MAST2: variants seen among roughly 807,000 people sequenced by gnomAD.
MAST2 encodes the protein microtubule associated serine/threonine kinase 2, also known as microtubule-associated serine/threonine-protein kinase 2.
MAST2 carries 70 observed loss-of-function variants against 147.4 expected under a neutral mutation model. The ratio of observed to expected loss-of-function variants is 0.47; its 90% CI spans 0.39 to 0.58. The LOEUF (loss-of-function observed/expected upper bound fraction) is 0.58, where lower values mean the gene tolerates loss of function less well. Among genes scored for constraint, MAST2 ranks in the 20% least tolerant of loss-of-function variants. The pLI, the probability that MAST2 is intolerant of heterozygous loss-of-function variation, is 0.00. For synonymous variants in MAST2, 869 were observed against 896.8 expected (o/e 0.97, Z 0.55); for missense variants, 2,080 against 2,302.3 (o/e 0.90, Z 1.98).
chr1:45,823,225 G>A (rs1295552534), intron 1 of MAST2, among the ~76,000 whole-genome samples: 1 of 146,612 alleles, frequency 6.8e-6, no homozygotes, highest in Non-Finnish European at 1.5e-5. Flanking sequence ...TTTAATCTTA[G>A]AGAACTGGAA....
chr1:45,826,913 C>T (rs926022047), intron 2 of MAST2, among the ~76,000 whole-genome samples: 1 of 152,110 alleles, frequency 6.6e-6, no homozygotes, highest in Non-Finnish European at 1.5e-5. Flanking sequence ...ACTGAAACCT[C>T]CGCCTTCCTG....
At chr1:45,962,547 C>T (rs1258092982) in intron 5 of MAST2, among the ~76,000 whole-genome samples, 2 of 152,192 alleles carry the variant, frequency 1.3e-5, no homozygotes, top group Non-Finnish European at 2.9e-5. Context: ...TTTCATGTGT[C>T]TGTTGGCTGC....
chr1:45,869,538 A>G (rs559395121), intron 3 of MAST2, among the ~76,000 whole-genome samples: 4 of 152,224 alleles, frequency 2.6e-5, no homozygotes, highest in Admixed American at 6.5e-5. Flanking sequence ...CATAGTCTCT[A>G]TCAGTCCCCT....
intron 1 of MAST2, among the ~76,000 whole-genome samples, chr1:45,816,219 GAA>G (rs1491143573): frequency 9.1e-5 from 10 of 110,166 alleles, no homozygotes; most frequent in African/African-American, 1.6e-4. Context: ...GAGAGAGAGA[GAA>G]AGAGAGAGAG....
At chr1:45,812,244 G>A (rs1217050591) in intron 1 of MAST2, among the ~76,000 whole-genome samples, 1 of 152,064 alleles carries the variant, frequency 6.6e-6, no homozygotes, top group Non-Finnish European at 1.5e-5. Context: ...GTAAGGGCTA[G>A]CTCCTAAAAA....
intron 6 of MAST2, among the ~76,000 whole-genome samples, chr1:45,998,091 G>C (rs74698754): frequency 0.013 from 1,968 of 152,110 alleles, 34 homozygotes; most frequent in African/African-American, 0.045. Context: ...AGTCCCTGAT[G>C]TCCTACGGGT....
intron 4 of MAST2, among the ~76,000 whole-genome samples, chr1:45,899,313 T>TTTTC (rs1401150297): frequency 6.8e-6 from 1 of 147,712 alleles, no homozygotes; most frequent in African/African-American, 2.5e-5. Context: ...TTTTCTTTTT[T>TTTTC]TTTTTTTTTT....
chr1:45,913,914 A>T, intron 4 of MAST2: 1 of 1,184,392 alleles, frequency 8.4e-7, no homozygotes, highest in Non-Finnish European at 1.1e-6. Flanking sequence ...AAACTGGCAG[A>T]TGTCAGGAAA....
intron 5 of MAST2, among the ~76,000 whole-genome samples, chr1:45,997,062 T>C (rs1049659775): frequency 6.6e-6 from 1 of 152,190 alleles, no homozygotes; most frequent in Non-Finnish European, 1.5e-5. Flanking sequence ...GGCTTAGGTT[T>C]AAGAACCATT....
intron 3 of MAST2, among the ~76,000 whole-genome samples, chr1:45,841,443 A>T (rs1209462943): frequency 3.3e-5 from 5 of 151,894 alleles, no homozygotes; most frequent in Non-Finnish European, 7.4e-5. Context: ...ATATATACAT[A>T]TATATATTTC....
Position 46,023,163 on chromosome 1 carries a change from G to T in MAST2, c.1486-70G>T. ...AGCTGACAGCTGAGAAGATGCTAGA[G>T]CCACAGCTTCTGCAAGGATATGGGC... is the stretch of plus-strand genomic sequence containing the variant. On this transcript the variant is annotated intron_variant, in intron 13 of 28. Transcript: ENST00000361297. The surrounding 1 kb of genome is among the most constrained non-coding windows in gnomAD (Gnocchi z 4.9). 1 of 1,422,296 alleles carries T rather than the reference G, an allele frequency of 7.0e-7. No homozygotes were observed. Among genetic ancestry groups the T allele is most frequent in the Non-Finnish European group, 9.9e-7 (1 of 1,005,464 alleles). The allele number at this position is 1,422,296 out of a possible 1,614,324, so 88.1% of individuals were successfully genotyped here.
chr1:45,893,709 A>G (rs1469209805), intron 4 of MAST2, among the ~76,000 whole-genome samples: 2 of 152,150 alleles, frequency 1.3e-5, no homozygotes, highest in Non-Finnish European at 2.9e-5. Context: ...ACAAATCTCT[A>G]GGAGTTTTCT....
At chr1:45,885,625 A>C (rs1647047512) in intron 4 of MAST2, among the ~76,000 whole-genome samples, 1 of 152,224 alleles carries the variant, frequency 6.6e-6, no homozygotes, top group Non-Finnish European at 1.5e-5. Context: ...CAGTCACGGC[A>C]CTATTACTTA....
intron 5 of MAST2, among the ~76,000 whole-genome samples, chr1:45,967,469 T>A (rs564028550): frequency 8.7e-4 from 133 of 152,316 alleles, no homozygotes; most frequent in African/African-American, 3.1e-3. Flanking sequence ...ATAATTTGTA[T>A]GTTTTATGTA....
chr1:46,032,496 A>G, intron 25 of MAST2, 92 bp downstream of exon 25: 1 of 1,596,466 alleles, frequency 6.3e-7, no homozygotes, highest in South Asian at 1.1e-5. Context: ...CTCGGGGGTC[A>G]AAGGGTGGTG....
rs189507027 is a variant in MAST2, at chr1:45,966,481, C to G, written c.592+7004C>G. ...GCGTGGTGGCTCACGCCTGTAATCC[C>G]ACACTTTGGGAGGCCAAGGTGGGCA... On this transcript the variant is annotated intron_variant, in intron 5 of 28. Transcript: ENST00000361297. Among the ~76,000 whole-genome samples the G allele has an allele frequency of 5.9e-3, 902 of 151,894 alleles. 4 individuals carry two copies. The highest frequency in any genetic ancestry group is 0.01 in the Non-Finnish European group (686 of 67,992).
chr1:45,848,323 G>A (rs1429608667), intron 3 of MAST2, among the ~76,000 whole-genome samples: 1 of 151,992 alleles, frequency 6.6e-6, no homozygotes, highest in Non-Finnish European at 1.5e-5. Flanking sequence ...TGATAAGAGT[G>A]ACTTACTGTG....
intron 4 of MAST2, among the ~76,000 whole-genome samples, chr1:45,918,778 G>C (rs1570711676): frequency 6.6e-6 from 1 of 152,112 alleles, no homozygotes; most frequent in East Asian, 1.9e-4. Flanking sequence ...AGTAGCCACT[G>C]GAAGGTTTAA....
chr1:45,920,397 C>T (rs1188104315), intron 4 of MAST2, among the ~76,000 whole-genome samples: 3 of 152,140 alleles, frequency 2.0e-5, no homozygotes, highest in African/African-American at 7.2e-5. Flanking sequence ...TTTGAGTACC[C>T]CCTTTTGCTG....
Sources: allele counts gnomAD v4.1 joint callset (sites outside exome capture counted in the v4.1 genomes callset), GRCh38; gene constraint gnomAD v4.1.1; non-coding constraint Gnocchi (gnomAD v3.1); transcripts MANE v1.5; gene names NCBI Gene and HGNC (gene_info 2026-07-23, HGNC 2026-07-21).